MEST: variants seen among roughly 807,000 people sequenced by gnomAD.
MEST encodes mesoderm-specific transcript homolog protein.
In MEST, 18 loss-of-function variants were observed where a neutral mutation model predicts 50.9. That is an observed-to-expected ratio of 0.35 (90% CI 0.24 to 0.52). The LOEUF (loss-of-function observed/expected upper bound fraction) is 0.52, where lower values mean the gene tolerates loss of function less well. Among genes scored for constraint, MEST ranks in the 20% least tolerant of loss-of-function variants. The pLI is 0.94. For synonymous variants in MEST, 130 were observed against 154.1 expected (o/e 0.84, Z 1.16); for missense variants, 282 against 425.3 (o/e 0.66, Z 2.96).
chr7:130,500,901 ACC>A lies in MEST; in HGVS notation c.749+13_749+14del. Reference sequence around the variant, plus strand: ...CTTAGTCATTGACAGGTAAGAAGTTACCCTTTGCTTTGGTTTCCAGAGACGTG... The same window carrying A: ...CTTAGTCATTGACAGGTAAGAAGTTACTTTGCTTTGGTTTCCAGAGACGTG... On this transcript the variant is annotated intron_variant, in intron 9 of 11. Transcript: ENST00000223215. The surrounding 1 kb of genome is among the most constrained non-coding windows in gnomAD (Gnocchi z 5.0). The A allele has an allele frequency of 6.2e-7, 1 of 1,609,824 alleles. No homozygotes were observed.
rs782154934 is a variant in MEST, at chr7:130,497,286, G to A, written c.261+51G>A. On this transcript the variant is annotated intron_variant, in intron 3 of 11. Transcript: ENST00000223215. The surrounding 1 kb of genome is among the most constrained non-coding windows in gnomAD (Gnocchi z 4.0). ...TACTATGTCTTAAAAAATCTCGGCC[G>A]GGCGCGGGGGCTCAAATCCTAGCAC... is the stretch of plus-strand genomic sequence containing the variant. 27 of 1,486,304 alleles carry A rather than the reference G, an allele frequency of 1.8e-5. No homozygotes were observed. The highest frequency in any genetic ancestry group is 2.2e-5 in the Non-Finnish European group (24 of 1,075,728). 92.1% of individuals were successfully genotyped at this position (1,486,304 alleles called of 1,614,324 possible).
rs1298874495 is a variant in MEST, at chr7:130,492,142, G to A, written c.-172G>A. On this transcript the variant is annotated 5_prime_UTR_variant, in exon 1 of 12. Coordinates refer to ENST00000223215, the MANE Select transcript of MEST (RefSeq NM_002402.4). The surrounding 1 kb of genome is among the most constrained non-coding windows in gnomAD (Gnocchi z 7.6). ...TCTGCGGCAGCTGCGCCTCGCAAGCGCAGTGCCGCAGCGCACGCCGGAGTG... is the reference window on the plus strand; with the variant it reads ...TCTGCGGCAGCTGCGCCTCGCAAGCACAGTGCCGCAGCGCACGCCGGAGTG... 2.9e-5 allele frequency: 10 copies of A among 339,078 alleles called. No homozygotes were observed. The Admixed American group carries it at 3.6e-4, about 12-fold the overall frequency. 21.0% of individuals were successfully genotyped at this position (339,078 alleles called of 1,614,324 possible).
intron 10 of MEST, 68 bp downstream of exon 10, chr7:130,502,788 A>C (rs1799324184): frequency 8.6e-7 from 1 of 1,164,552 alleles, no homozygotes; most frequent in Non-Finnish European, 1.3e-6. Context: ...CAACTCCTTT[A>C]TACAATTAGG....
At chr7:130,502,747 A>AAACT in intron 10 of MEST, 27 bp downstream of exon 10, 1 of 1,545,486 alleles carries the variant, frequency 6.5e-7, no homozygotes, top group Non-Finnish European at 8.9e-7. Flanking sequence ...TATTGATAGG[A>AAACT]AACTGAAGGA....
Position 130,500,347 on chromosome 7 carries a change from A to G in MEST, c.577-115A>G. The stretch of plus-strand genomic sequence containing the variant: ...GGCAAAACAAAATGCCAAGTACCAA[A>G]CCATTCAGTAGCAGGAGATTTGGCT... On this transcript the variant is annotated intron_variant, in intron 7 of 11. Coordinates refer to ENST00000223215, the MANE Select transcript of MEST (RefSeq NM_002402.4). The surrounding 1 kb of genome is among the most constrained non-coding windows in gnomAD (Gnocchi z 5.0). 1.1e-6 allele frequency: 1 copy of G among 869,810 alleles called. No homozygotes were observed. The allele number at this position is 869,810 out of a possible 1,614,324, so 53.9% of individuals were successfully genotyped here.
upstream of MEST, chr7:130,487,214 A>T (rs1311515977): frequency 6.6e-6 from 1 of 152,152 alleles, no homozygotes; most frequent in Non-Finnish European, 1.5e-5. Context: ...TGTTTTCCTT[A>T]GGGGACTGTG....
chr7:130,499,259 G>C (rs535634975), intron 6 of MEST, among the ~76,000 whole-genome samples: 1 of 152,272 alleles, frequency 6.6e-6, no homozygotes, highest in South Asian at 2.1e-4. Context: ...CGCCTTAAGA[G>C]CAGACTGGGA....
rs782613835 is a variant in MEST at position 130,502,637 on chromosome 7, C to T, written c.750-7C>T. On this transcript the variant is annotated splice_region_variant and splice_polypyrimidine_tract_variant and intron_variant, in intron 9 of 11. Transcript: ENST00000223215. ...GTTCTGCACATGCTGACTTACCTGT[C>T]CTACAGTCTCTTACAGTACATCAAT... The T allele has an allele frequency of 1.2e-6, 2 of 1,612,814 alleles. No homozygotes were observed. The highest frequency in any genetic ancestry group is 1.7e-5 in the Admixed American group (1 of 59,994).
In MEST at chr7:130,497,631, C is replaced by T. The variant is rs903054289; in HGVS notation, c.262-305C>T. The T allele has an allele frequency of 2.9e-6, 1 of 349,446 alleles. No individual in the cohort carries two copies. The allele number at this position is 349,446 out of a possible 1,614,324, so 21.6% of individuals were successfully genotyped here. ...TTGTCAGCACCAGAAGGCTCTTGCA[C>T]ATTTGAATTGCTTTTAAAAAAACAT... On this transcript the variant is annotated intron_variant, in intron 3 of 11. Coordinates refer to ENST00000223215, the MANE Select transcript of MEST (RefSeq NM_002402.4). The surrounding 1 kb of genome is among the most constrained non-coding windows in gnomAD (Gnocchi z 4.0).
intron 10 of MEST, 108 bp from the exon 11 acceptor site, chr7:130,503,824 TA>T: frequency 2.4e-5 from 20 of 829,508 alleles, no homozygotes; most frequent in South Asian, 4.6e-5. Flanking sequence ...CCTATTATAA[TA>T]AAAAAAGGAA....
In MEST at chr7:130,497,702, C is replaced by T; in HGVS notation, c.262-234C>T. 1 of 567,942 alleles carries T rather than the reference C, an allele frequency of 1.8e-6. No individual in the cohort carries two copies. The highest frequency in any genetic ancestry group is 3.1e-6 in the Non-Finnish European group (1 of 317,634). The allele number at this position is 567,942 out of a possible 1,614,324, so 35.2% of individuals were successfully genotyped here. Reference sequence around the variant, plus strand: ...ATTTACTGAAGGGAATAAACAACTCCTTGGCACTCTGGAAGGGATCACTGC... The same window carrying T: ...ATTTACTGAAGGGAATAAACAACTCTTTGGCACTCTGGAAGGGATCACTGC... On this transcript the variant is annotated intron_variant, in intron 3 of 11. Coordinates refer to ENST00000223215, the MANE Select transcript of MEST (RefSeq NM_002402.4). The surrounding 1 kb of genome is among the most constrained non-coding windows in gnomAD (Gnocchi z 4.0).
chr7:130,489,306 A>G (rs1054646318), upstream of MEST: 18 of 152,280 alleles, frequency 1.2e-4, no homozygotes, highest in Admixed American at 2.0e-4. Flanking sequence ...GTACTACTGC[A>G]TGAGATATCC....
Position 130,492,301 on chromosome 7 carries a change from G to C in MEST, c.-13G>C. 1 of 1,345,954 alleles carries C rather than the reference G, an allele frequency of 7.4e-7. No homozygotes were observed. The highest frequency in any genetic ancestry group is 1.5e-5 in the African/African-American group (1 of 65,818). The allele number at this position is 1,345,954 out of a possible 1,614,324, so 83.4% of individuals were successfully genotyped here. ...CTGCAACGCTGCGGCGGGCGGCATG[G>C]GATAACGCGGCCATGGTGCGCCGAG... On this transcript the variant is annotated 5_prime_UTR_variant, in exon 1 of 12. Transcript: ENST00000223215. The surrounding 1 kb of genome is among the most constrained non-coding windows in gnomAD (Gnocchi z 7.6).
At position 130,504,001 on chromosome 7, in the gene MEST, G is replaced by A. The variant is rs1554439214; in HGVS notation, c.890+5G>A. On this transcript the variant is annotated splice_donor_5th_base_variant and intron_variant, in intron 11 of 11. Transcript: ENST00000223215. The stretch of plus-strand genomic sequence containing the variant: ...AGAGTTTTTGGAGCTGTACAGGTGA[G>A]TCTCCCCGAGAGAAGTCTATGTTTT... The A allele has an allele frequency of 6.2e-7, 1 of 1,609,464 alleles. No homozygotes were observed. Among genetic ancestry groups the A allele is most frequent in the South Asian group, 1.1e-5 (1 of 90,896 alleles).
intron 7 of MEST, 63 bp downstream of exon 7, chr7:130,499,978 C>A: frequency 1.5e-6 from 2 of 1,363,378 alleles, no homozygotes; most frequent in South Asian, 1.3e-5. Context: ...AATGCTGGGA[C>A]CTTTTAAGGG....
chr7:130,502,680 A>G lies in MEST; in HGVS notation c.786A>G (p.Arg262=). 1 of 1,613,938 alleles carries G rather than the reference A, an allele frequency of 6.2e-7. No individual in the cohort carries two copies. Among genetic ancestry groups the G allele is most frequent in the Non-Finnish European group, 8.5e-7 (1 of 1,179,872 alleles). Residue 262 remains arginine (R), a synonymous_variant, in exon 10 of 12, where the codon AGA becomes AGG. Coordinates refer to ENST00000223215, the MANE Select transcript of MEST (RefSeq NM_002402.4). ...ACATCAATCAGAGGAAGAAGTTCAG[A>G]AGGCGCTGGGTGGGAGCTCTTGCCT... ...LQYINQRKKF[R]RRWVGALASV...
intron 6 of MEST, among the ~76,000 whole-genome samples, chr7:130,499,117 A>AT (rs1799181141): frequency 6.6e-6 from 1 of 152,196 alleles, no homozygotes; most frequent in Admixed American, 6.5e-5. Context: ...TTAAGTGAGG[A>AT]CTTAACTGTA....
chr7:130,499,141 C>T (rs1554437962), intron 6 of MEST, among the ~76,000 whole-genome samples: 1 of 152,204 alleles, frequency 6.6e-6, no homozygotes, highest in Non-Finnish European at 1.5e-5. Context: ...GATTCCCCAA[C>T]TCCTAACTGA....
In MEST at chr7:130,492,321, G is replaced by A. The variant is rs1244757817; in HGVS notation, c.8G>A (p.Arg3His). 15 of 1,339,480 alleles carry A rather than the reference G, an allele frequency of 1.1e-5. No homozygotes were observed. Among genetic ancestry groups the A allele is most frequent in the Middle Eastern group, 2.0e-4 (1 of 4,918 alleles). 83.0% of individuals were successfully genotyped at this position (1,339,480 alleles called of 1,614,324 possible). Reference sequence around the variant, plus strand: ...GCATGGGATAACGCGGCCATGGTGCGCCGAGATCGCCTCCGCAGGTGAGTG... The same window carrying A: ...GCATGGGATAACGCGGCCATGGTGCACCGAGATCGCCTCCGCAGGTGAGTG... The part of the protein sequence containing the change: MV[R>H]RDRLRRMREW... Residue 3 changes from arginine to histidine, a missense_variant, in exon 1 of 12, where the codon CGC becomes CAC. Arg to His is a conservative substitution (Grantham distance 29, BLOSUM62 0). Transcript: ENST00000223215. The surrounding 1 kb of genome is among the most constrained non-coding windows in gnomAD (Gnocchi z 7.6).
Sources: allele counts gnomAD v4.1 joint callset (sites outside exome capture counted in the v4.1 genomes callset), GRCh38; gene constraint gnomAD v4.1.1; non-coding constraint Gnocchi (gnomAD v3.1); transcripts MANE v1.5; gene names NCBI Gene and HGNC (gene_info 2026-07-23, HGNC 2026-07-21).